CRY1: variants seen among roughly 807,000 people sequenced by gnomAD.
CRY1 encodes cryptochrome circadian regulator 1.
In CRY1, 45 loss-of-function variants were observed where a neutral mutation model predicts 76.0. The ratio of observed to expected loss-of-function variants is 0.59; its 90% confidence interval spans 0.47 to 0.76. The LOEUF is 0.76. Ranked by LOEUF, CRY1 falls within the 30% of genes least tolerant of loss-of-function variation. The pLI, the probability that CRY1 is intolerant of heterozygous loss-of-function variation, is 0.00. For synonymous variants in CRY1, 248 were observed against 244.0 expected (o/e 1.02, Z -0.15); for missense variants, 587 against 716.4 (o/e 0.82, Z 2.06).
chr12:107,022,022 T>C lies in CRY1; in HGVS notation c.267+62A>G, dbSNP rs1441080007. The stretch of plus-strand genomic sequence containing the variant: ...ATTTTCAATTAGTCAAAAAACTTTA[T>C]TTACCAAATATGTAATATTATCTGA... On this transcript the variant is annotated intron_variant, in intron 2 of 12. Transcript: ENST00000008527. The C allele has an allele frequency of 9.7e-6, 12 of 1,242,866 alleles. No homozygotes were observed. In the South Asian group the frequency reaches 1.7e-4, roughly 18 times the overall value. 77.0% of individuals were successfully genotyped at this position (1,242,866 alleles called of 1,614,324 possible). A position where few individuals can be genotyped will look rare whatever the true frequency, so the allele number is the denominator to read the frequency against.
intron 1 of CRY1, among the ~76,000 whole-genome samples, chr12:107,041,015 C>G (rs985028915): frequency 2.6e-5 from 4 of 152,114 alleles, no homozygotes; most frequent in East Asian, 1.9e-4. Flanking sequence ...CTCCCAAGTG[C>G]TGTGATTACA....
chr12:107,068,829 C>T (rs1052017576), intron 1 of CRY1, among the ~76,000 whole-genome samples: 12 of 152,142 alleles, frequency 7.9e-5, no homozygotes, highest in South Asian at 2.1e-4. Flanking sequence ...TTCATATAAA[C>T]GGAATCATAT....
At chr12:107,039,420 A>G (rs1239218610) in intron 1 of CRY1, among the ~76,000 whole-genome samples, 1 of 152,194 alleles carries the variant, frequency 6.6e-6, no homozygotes, top group Non-Finnish European at 1.5e-5. Flanking sequence ...TTTGCAAACC[A>G]TTTATCTGAT....
chr12:107,063,543 A>G (rs1166096039), intron 1 of CRY1, among the ~76,000 whole-genome samples: 2 of 152,202 alleles, frequency 1.3e-5, no homozygotes, highest in Non-Finnish European at 2.9e-5. Flanking sequence ...GTTACAGGGT[A>G]ATCTAGGCCA....
intron 2 of CRY1, among the ~76,000 whole-genome samples, chr12:107,009,395 C>G (rs1388489094): frequency 6.6e-6 from 1 of 151,496 alleles, no homozygotes; most frequent in Non-Finnish European, 1.5e-5. Context: ...AACAATTAGC[C>G]AGACGTGGTG....
intron 1 of CRY1, among the ~76,000 whole-genome samples, chr12:107,069,375 C>T (rs1246012983): frequency 1.3e-5 from 2 of 151,258 alleles, no homozygotes; most frequent in East Asian, 3.9e-4. Context: ...CAGGCGCCCG[C>T]CACCACGCCC....
At chr12:107,082,398 T>C (rs1385600476) in intron 1 of CRY1, among the ~76,000 whole-genome samples, 3 of 152,182 alleles carry the variant, frequency 2.0e-5, no homozygotes, top group Non-Finnish European at 2.9e-5. Context: ...ATATACATTC[T>C]TCTCACACCA....
At chr12:107,002,358 T>A (rs1952322337) in intron 3 of CRY1, among the ~76,000 whole-genome samples, 1 of 152,168 alleles carries the variant, frequency 6.6e-6, no homozygotes, top group African/African-American at 2.4e-5. Flanking sequence ...TAAACCAGGT[T>A]GATAATTATA....
At chr12:107,054,625 A>G (rs866964938) in intron 1 of CRY1, among the ~76,000 whole-genome samples, 15 of 151,030 alleles carry the variant, frequency 9.9e-5, no homozygotes, top group African/African-American at 3.1e-4. Context: ...TTTACAAGAG[A>G]CATCTAAAAG....
rs537717111 is a variant in CRY1 at position 107,061,323 on chromosome 12, A to G, written c.158+31481T>C. Reference sequence around the variant, plus strand: ...AATTCAGTGAACCCTAAAAAAGCTGACAGCCAAATGCTTCAATTCAGGAAA... The same window carrying G: ...AATTCAGTGAACCCTAAAAAAGCTGGCAGCCAAATGCTTCAATTCAGGAAA... On this transcript the variant is annotated intron_variant, in intron 1 of 12. Transcript: ENST00000008527. 7.2e-5 allele frequency among the ~76,000 whole-genome samples: 11 copies of G among 152,206 alleles called. No individual in the cohort carries two copies. The South Asian group carries it at 1.9e-3, about 26-fold the overall frequency.
At chr12:107,021,043 G>A (rs1016479887) in intron 2 of CRY1, among the ~76,000 whole-genome samples, 1 of 152,136 alleles carries the variant, frequency 6.6e-6, no homozygotes, top group African/African-American at 2.4e-5. Context: ...CAGCACTTTG[G>A]GAGGTCGAGG....
chr12:107,063,486 A>G (rs554016054), intron 1 of CRY1, among the ~76,000 whole-genome samples: 41 of 152,322 alleles, frequency 2.7e-4, no homozygotes, highest in Non-Finnish European at 4.9e-4. Flanking sequence ...CAATGCTGAC[A>G]TGGAGATTAA....
intron 7 of CRY1, among the ~76,000 whole-genome samples, chr12:106,999,064 A>T (rs1952270408): frequency 6.6e-6 from 1 of 151,252 alleles, no homozygotes; most frequent in South Asian, 2.1e-4. Context: ...AAAAAAAAAA[A>T]GTACCTAAGT....
chr12:107,088,801 A>G (rs1184190240), intron 1 of CRY1, among the ~76,000 whole-genome samples: 2 of 152,246 alleles, frequency 1.3e-5, no homozygotes, highest in Non-Finnish European at 2.9e-5. Context: ...ACTGCTAATC[A>G]TCCCAGACAA....
chr12:107,026,162 T>TATATATATTACATATATATATAAA (rs1952612399), intron 1 of CRY1, among the ~76,000 whole-genome samples: 4 of 21,874 alleles, frequency 1.8e-4, no homozygotes, highest in Admixed American at 7.0e-4. Flanking sequence ...ATATAAAATA[T>TATATATATTACATATATATATAAA]ATATATATAT....
chr12:107,008,695 C>T (rs1434936078), intron 2 of CRY1, among the ~76,000 whole-genome samples: 8 of 152,126 alleles, frequency 5.3e-5, no homozygotes, highest in Admixed American at 5.2e-4. Context: ...GGCTGTGTCC[C>T]CACCCAAATC....
intron 10 of CRY1, among the ~76,000 whole-genome samples, chr12:106,996,208 C>G (rs1300851835): frequency 6.6e-6 from 1 of 152,174 alleles, no homozygotes; most frequent in Non-Finnish European, 1.5e-5. Flanking sequence ...CACTTACAAG[C>G]AAGAACATGA....
At chr12:107,042,969 G>A (rs1189835082) in intron 1 of CRY1, 2 of 152,212 alleles carry the variant, frequency 1.3e-5, no homozygotes, top group African/African-American at 4.8e-5. Flanking sequence ...ACGTAACTGT[G>A]CTCACCGTAG....
At chr12:107,045,713 G>A (rs1194275974) in intron 1 of CRY1, among the ~76,000 whole-genome samples, 1 of 152,014 alleles carries the variant, frequency 6.6e-6, no homozygotes, top group African/African-American at 2.4e-5. Flanking sequence ...TTCTACCTAT[G>A]GCTAGCCAGT....
Sources: gnomAD v4.1 joint callset for allele counts (sites outside exome capture counted in the v4.1 genomes callset) on GRCh38, gnomAD v4.1.1 for gene constraint, MANE v1.5 for transcripts, NCBI Gene and HGNC (gene_info 2026-07-23, HGNC 2026-07-21) for gene names.